The following SPAG16 variants were observed in gnomAD, a reference collection of about 807,000 sequenced individuals.
SPAG16 encodes sperm associated antigen 16.
In SPAG16, 86 loss-of-function variants were observed where a neutral mutation model predicts 80.4. The ratio of observed to expected loss-of-function variants is 1.07; its 90% CI spans 0.90 to 1.28. The LOEUF is 1.28. Among genes scored for constraint, SPAG16 ranks in the 50% most tolerant of loss-of-function variants. SPAG16 has a pLI of 0.00. For missense variants in SPAG16, 870 were observed against 765.3 expected (o/e 1.14, Z -1.61); for synonymous variants, 294 against 265.9 (o/e 1.11, Z -1.03).
intron 10 of SPAG16, among the ~76,000 whole-genome samples, chr2:213,704,436 C>G (rs1291153166): frequency 6.6e-6 from 1 of 152,106 alleles, no homozygotes; most frequent in Non-Finnish European, 1.5e-5. Flanking sequence ...GAACTGGGGT[C>G]TACACAGAGT....
intron 10 of SPAG16, among the ~76,000 whole-genome samples, chr2:213,654,743 A>C (rs2063158234): frequency 6.6e-6 from 1 of 151,890 alleles, no homozygotes; most frequent in African/African-American, 2.4e-5. Flanking sequence ...AAGAAGTTTC[A>C]ATGTAAAGGA....
At chr2:214,233,337 AG>A (rs1420350804) in intron 15 of SPAG16, among the ~76,000 whole-genome samples, 1 of 139,036 alleles carries the variant, frequency 7.2e-6, no homozygotes, top group African/African-American at 2.7e-5. Context: ...CAGTAAAAAT[AG>A]ATAATAATGA....
At position 214,168,746 on chromosome 2, in the gene SPAG16, G is replaced by A. The variant is rs79279555; in HGVS notation, c.1720+19480G>A. 1.4e-4 allele frequency among the ~76,000 whole-genome samples: 21 copies of A among 152,214 alleles called. No homozygotes were observed. In the East Asian group the frequency reaches 3.9e-3, roughly 28 times the overall value. On this transcript the variant is annotated intron_variant, in intron 15 of 15. Coordinates refer to ENST00000331683, the MANE Select transcript of SPAG16 (RefSeq NM_024532.5). ...TGTTGCAGAGGTCCACGTGATTAGA[G>A]TGGAATGAATAAGGAAATTAAGATA...
intron 13 of SPAG16, among the ~76,000 whole-genome samples, chr2:214,086,469 T>C (rs1259324879): frequency 1.3e-5 from 2 of 152,132 alleles, no homozygotes; most frequent in Non-Finnish European, 2.9e-5. Context: ...CTTATGGAGG[T>C]GATGAGATCA....
chr2:214,222,110 C>CTTTTTTTTTTTT (rs10694178), intron 15 of SPAG16, among the ~76,000 whole-genome samples: 44 of 103,620 alleles, frequency 4.2e-4, no homozygotes, highest in East Asian at 1.2e-3. Context: ...CCTTGCTATT[C>CTTTTTTTTTTTT]TTTTTTTTTT....
At chr2:213,745,775 T>C (rs2067792376) in intron 10 of SPAG16, among the ~76,000 whole-genome samples, 1 of 152,198 alleles carries the variant, frequency 6.6e-6, no homozygotes, top group African/African-American at 2.4e-5. Context: ...AAAAGGGACA[T>C]CGGTTTGATT....
chr2:214,141,852 A>G (rs1198456124), intron 14 of SPAG16, among the ~76,000 whole-genome samples: 3 of 152,134 alleles, frequency 2.0e-5, no homozygotes, highest in Non-Finnish European at 2.9e-5. Flanking sequence ...CACTCTGTTT[A>G]GGTGCAGTTT....
chr2:213,459,318 C>G (rs959517275), intron 9 of SPAG16, among the ~76,000 whole-genome samples: 1 of 152,000 alleles, frequency 6.6e-6, no homozygotes, highest in Admixed American at 6.6e-5. Flanking sequence ...TTTTTGGGTG[C>G]AAGACATTAT....
intron 5 of SPAG16, among the ~76,000 whole-genome samples, chr2:213,328,118 A>G (rs572067171): frequency 6.6e-6 from 1 of 152,128 alleles, no homozygotes; most frequent in Non-Finnish European, 1.5e-5. Context: ...CAATGAAGTA[A>G]CCATATCTGT....
intron 10 of SPAG16, among the ~76,000 whole-genome samples, chr2:213,684,181 G>T (rs973036095): frequency 6.6e-6 from 1 of 152,100 alleles, no homozygotes; most frequent in Non-Finnish European, 1.5e-5. Context: ...TAATTAACCC[G>T]AATTTGCTTG....
At chr2:213,517,415 T>C (rs1390309128) in intron 10 of SPAG16, among the ~76,000 whole-genome samples, 1 of 152,180 alleles carries the variant, frequency 6.6e-6, no homozygotes, top group African/African-American at 2.4e-5. Context: ...GCACTACTCT[T>C]ATCAAACTAC....
At chr2:213,644,978 G>T (rs756245009) in intron 10 of SPAG16, among the ~76,000 whole-genome samples, 10 of 152,322 alleles carry the variant, frequency 6.6e-5, no homozygotes, top group Admixed American at 3.3e-4. Flanking sequence ...GGTTCCAAAG[G>T]CACTGTCCAG....
rs141514039 is a variant in SPAG16 at position 213,462,736 on chromosome 2, C to A, written c.943-27227C>A. ...GCCATGATTGTAAGTTTCCTGAGGC[C>A]TGCCTAGTGATGTGAAACTGTGAGT... On this transcript the variant is annotated intron_variant, in intron 9 of 15. Coordinates refer to ENST00000331683, the MANE Select transcript of SPAG16 (RefSeq NM_024532.5). Among the ~76,000 whole-genome samples, 210 of 152,290 alleles carry A rather than the reference C, an allele frequency of 1.4e-3. 2 individuals carry two copies. The highest frequency in any genetic ancestry group is 4.6e-3 in the African/African-American group (190 of 41,568).
rs112992253 is a variant in SPAG16, at chr2:213,472,235, GC to G, written c.943-17726del. 8.4e-3 allele frequency among the ~76,000 whole-genome samples: 1,278 copies of G among 152,190 alleles called. 16 individuals are homozygous for G. The highest frequency in any genetic ancestry group is 0.029 in the African/African-American group (1,193 of 41,502). ...GTTGAAAGCAAATTGCTTCTAGTGG[GC>G]CTTATGGACAGGAATGGAGAAAAAG... is the stretch of plus-strand genomic sequence containing the variant. On this transcript the variant is annotated intron_variant, in intron 9 of 15. Transcript: ENST00000331683.
At chr2:214,219,896 C>G (rs1234432170) in intron 15 of SPAG16, among the ~76,000 whole-genome samples, 2 of 151,990 alleles carry the variant, frequency 1.3e-5, no homozygotes, top group Admixed American at 6.6e-5. Context: ...GAAGTATAGA[C>G]AGTATAAACC....
intron 13 of SPAG16, among the ~76,000 whole-genome samples, chr2:214,046,584 G>T (rs1338603414): frequency 6.6e-6 from 1 of 152,094 alleles, no homozygotes; most frequent in Non-Finnish European, 1.5e-5. Flanking sequence ...TCAACAGAAT[G>T]ATACTGAATG....
At position 214,136,271 on chromosome 2, in the gene SPAG16, A is replaced by G. The variant is rs2055047198; in HGVS notation, c.1594-12869A>G. 2.0e-5 allele frequency among the ~76,000 whole-genome samples: 3 copies of G among 152,256 alleles called. No individual in the cohort carries two copies. In the South Asian group the frequency reaches 6.2e-4, roughly 32 times the overall value. The stretch of plus-strand genomic sequence containing the variant: ...TCAACATGAGACTTAGTGGGGCCAC[A>G]CTAACCATATCCAAACCATAGCATC... On this transcript the variant is annotated intron_variant, in intron 14 of 15. Transcript: ENST00000331683.
chr2:213,827,073 G>T lies in SPAG16; in HGVS notation c.1071-35412G>T, dbSNP rs113507542. Among the ~76,000 whole-genome samples the T allele has an allele frequency of 7.5e-4, 114 of 151,834 alleles. 2 individuals carry two copies. Among genetic ancestry groups the T allele is most frequent in the African/African-American group, 2.6e-3 (107 of 41,460 alleles). On this transcript the variant is annotated intron_variant, in intron 10 of 15. Coordinates refer to ENST00000331683, the MANE Select transcript of SPAG16 (RefSeq NM_024532.5). ...CCATCCCTTTATTTTCTTCTTATGT[G>T]TATCTTTATAGGTAAAGTGTGTTTC...
chr2:213,946,941 C>A (rs2079504754), intron 12 of SPAG16, among the ~76,000 whole-genome samples: 1 of 152,172 alleles, frequency 6.6e-6, no homozygotes. Context: ...TTAATAGAAT[C>A]ATATAGTATG....
Sources: gnomAD v4.1 joint callset for allele counts (sites outside exome capture counted in the v4.1 genomes callset) on GRCh38, gnomAD v4.1.1 for gene constraint, MANE v1.5 for transcripts, NCBI Gene and HGNC (gene_info 2026-07-23, HGNC 2026-07-21) for gene names.